ERC2: variants seen among roughly 807,000 people sequenced by gnomAD.
ERC2 encodes ERC protein 2.
Under a neutral mutation model 114.8 loss-of-function variants are expected in ERC2, and 42 were observed. The ratio of observed to expected loss-of-function variants is 0.37; its 90% confidence interval spans 0.29 to 0.47. The LOEUF is 0.47. Ranked by LOEUF, ERC2 falls within the 20% of genes least tolerant of loss-of-function variation. The pLI is 0.99. For synonymous variants in ERC2, 454 were observed against 425.5 expected (o/e 1.07, Z -0.82); for missense variants, 939 against 1,150.7 (o/e 0.82, Z 2.66).
intron 17 of ERC2, among the ~76,000 whole-genome samples, chr3:55,656,511 C>T (rs1211856101): frequency 1.3e-5 from 2 of 152,072 alleles, no homozygotes; most frequent in African/African-American, 4.8e-5. Flanking sequence ...GCCTTGAGTC[C>T]GGGAGGCTCT....
chr3:55,564,218 C>A (rs1441071776), intron 17 of ERC2, among the ~76,000 whole-genome samples: 2 of 152,102 alleles, frequency 1.3e-5, no homozygotes, highest in Non-Finnish European at 2.9e-5. Flanking sequence ...TTATTTGGAA[C>A]TAGGAAGGCA....
intron 7 of ERC2, among the ~76,000 whole-genome samples, chr3:56,032,983 GAA>G (rs1211266648): frequency 0.073 from 5,883 of 80,146 alleles, 489 homozygotes; most frequent in East Asian, 0.098. Context: ...GAAAGAGAAA[GAA>G]AGAAAGAAAG....
At chr3:55,902,495 G>T (rs577661861) in intron 13 of ERC2, among the ~76,000 whole-genome samples, 110 of 152,100 alleles carry the variant, frequency 7.2e-4, no homozygotes, top group Non-Finnish European at 1.4e-3. Flanking sequence ...TTCTCCCCAC[G>T]TACAAAGCGG....
intron 15 of ERC2, among the ~76,000 whole-genome samples, chr3:55,713,469 G>A (rs932550928): frequency 2.0e-5 from 3 of 152,024 alleles, no homozygotes; most frequent in Non-Finnish European, 4.4e-5. Flanking sequence ...GGCCCACCTC[G>A]GCCTCCCAAA....
At chr3:55,676,701 C>T (rs2061831657) in intron 17 of ERC2, among the ~76,000 whole-genome samples, 1 of 152,012 alleles carries the variant, frequency 6.6e-6, no homozygotes, top group Admixed American at 6.5e-5. Flanking sequence ...CTCTTTTCTC[C>T]CCTTTACAGA....
chr3:55,631,850 T>C (rs554605936), intron 17 of ERC2, among the ~76,000 whole-genome samples: 4 of 152,376 alleles, frequency 2.6e-5, no homozygotes, highest in African/African-American at 9.6e-5. Context: ...TTGTTTACCA[T>C]GTATCTATTC....
At chr3:55,731,732 C>G (rs1233826247) in intron 15 of ERC2, among the ~76,000 whole-genome samples, 14 of 152,162 alleles carry the variant, frequency 9.2e-5, no homozygotes, top group Admixed American at 9.2e-4. Flanking sequence ...ATAAGAGTAT[C>G]AAACCCTCAG....
At chr3:55,763,690 C>G (rs2067590450) in intron 14 of ERC2, among the ~76,000 whole-genome samples, 1 of 152,082 alleles carries the variant, frequency 6.6e-6, no homozygotes, top group South Asian at 2.1e-4. Context: ...TGGACATTTT[C>G]AAATATACAG....
chr3:56,394,354 G>A (rs1434456784), intron 2 of ERC2, among the ~76,000 whole-genome samples: 2 of 152,004 alleles, frequency 1.3e-5, no homozygotes, highest in Non-Finnish European at 2.9e-5. Context: ...TGTTTTATAG[G>A]TAACTCCAGT....
At chr3:56,368,164 T>C (rs943742303) in intron 2 of ERC2, among the ~76,000 whole-genome samples, 2 of 146,696 alleles carry the variant, frequency 1.4e-5, no homozygotes, top group Non-Finnish European at 3.0e-5. Context: ...ACAATAAAAG[T>C]TGAAATTATT....
intron 17 of ERC2, among the ~76,000 whole-genome samples, chr3:55,618,541 T>C (rs1395275529): frequency 1.3e-5 from 2 of 152,234 alleles, no homozygotes; most frequent in Admixed American, 6.5e-5. Context: ...TAGGTGTATA[T>C]TTATTAATGT....
intron 14 of ERC2, among the ~76,000 whole-genome samples, chr3:55,739,261 T>C (rs1245200935): frequency 1.3e-5 from 2 of 152,304 alleles, no homozygotes; most frequent in East Asian, 3.9e-4. Flanking sequence ...TTATAATCCT[T>C]TGGGTATATA....
chr3:56,007,355 T>A (rs776815907), intron 9 of ERC2, 34 bp from the exon 10 acceptor site: 26 of 1,568,672 alleles, frequency 1.7e-5, no homozygotes, highest in Non-Finnish European at 2.2e-5. Flanking sequence ...AGTAAAACAC[T>A]GAAATTTCTA....
At chr3:55,880,477 C>A (rs1455005570) in intron 14 of ERC2, among the ~76,000 whole-genome samples, 1 of 152,120 alleles carries the variant, frequency 6.6e-6, no homozygotes, top group Non-Finnish European at 1.5e-5. Context: ...GAGTAGTAAG[C>A]AACTGTGCAT....
intron 17 of ERC2, among the ~76,000 whole-genome samples, chr3:55,519,873 A>G (rs2052782692): frequency 6.6e-6 from 1 of 151,932 alleles, no homozygotes; most frequent in South Asian, 2.1e-4. Flanking sequence ...GGGAAACACG[A>G]CAAAACCTCA....
rs71309941 is a variant in ERC2 at position 56,051,435 on chromosome 3, G to A, written c.1641+29382C>T. On this transcript the variant is annotated intron_variant, in intron 7 of 17. Coordinates refer to ENST00000288221, the MANE Select transcript of ERC2 (RefSeq NM_015576.3). Reference sequence around the variant, plus strand: ...TAGAAAAAAAGGGGGTGGGAGTGCAGAGAGAGAGGGAGACAACCTTTGGTC... The same window carrying A: ...TAGAAAAAAAGGGGGTGGGAGTGCAAAGAGAGAGGGAGACAACCTTTGGTC... Among the ~76,000 whole-genome samples, 4 of 152,258 alleles carry A rather than the reference G, an allele frequency of 2.6e-5. No homozygotes were observed. In the South Asian group the frequency reaches 8.3e-4, roughly 32 times the overall value.
chr3:56,371,909 T>C (rs2059376517), intron 2 of ERC2, among the ~76,000 whole-genome samples: 1 of 152,248 alleles, frequency 6.6e-6, no homozygotes, highest in African/African-American at 2.4e-5. Flanking sequence ...ATCTTCTGTA[T>C]ACGCTATTGT....
intron 3 of ERC2, among the ~76,000 whole-genome samples, chr3:56,214,894 G>A (rs1407951420): frequency 6.6e-6 from 1 of 152,162 alleles, no homozygotes; most frequent in Non-Finnish European, 1.5e-5. Flanking sequence ...GCCAAACTAA[G>A]CTTCAGAAGT....
At chr3:56,152,300 T>A (rs994307787) in intron 4 of ERC2, among the ~76,000 whole-genome samples, 1 of 152,100 alleles carries the variant, frequency 6.6e-6, no homozygotes, top group Non-Finnish European at 1.5e-5. Context: ...TGAAAAAAAA[T>A]TTAGGCTTGT....
Sources: gnomAD v4.1 joint callset for allele counts (sites outside exome capture counted in the v4.1 genomes callset) on GRCh38, gnomAD v4.1.1 for gene constraint, MANE v1.5 for transcripts, NCBI Gene and HGNC (gene_info 2026-07-23, HGNC 2026-07-21) for gene names.